The following NAALADL2 variants were observed in gnomAD, a reference collection of about 807,000 sequenced individuals.
NAALADL2 encodes the protein N-acetylated alpha-linked acidic dipeptidase like 2, also known as inactive N-acetylated-alpha-linked acidic dipeptidase-like protein 2.
NAALADL2 carries 76 observed loss-of-function variants against 87.2 expected under a neutral mutation model. The observed-to-expected ratio is 0.87, with a 90% CI of 0.72 to 1.05. The LOEUF (loss-of-function observed/expected upper bound fraction) is 1.05. NAALADL2 is among the 50% of genes least tolerant of loss of function. The pLI is 0.00. For synonymous variants in NAALADL2, 354 were observed against 331.0 expected, an observed-to-expected ratio of 1.07 and a Z score of -0.75; for missense variants, 1,089 against 945.8, an observed-to-expected ratio of 1.15 and a Z score of -1.99.
At chr3:174,953,166 A>T (rs966320127) in intron 1 of NAALADL2, among the ~76,000 whole-genome samples, 8 of 151,988 alleles carry the variant, frequency 5.3e-5, no homozygotes, top group Non-Finnish European at 1.2e-4. Context: ...AATAAGCATA[A>T]AAGGCAAGTT....
chr3:174,962,015 T>G (rs1357966776), intron 1 of NAALADL2, among the ~76,000 whole-genome samples: 1 of 151,954 alleles, frequency 6.6e-6, no homozygotes, highest in East Asian at 1.9e-4. Context: ...CAAAAGACCA[T>G]GAAGATTTTG....
chr3:175,565,915 C>T lies in NAALADL2; in HGVS notation c.1654-10126C>T, dbSNP rs183436255. ...TGCGTTATTGGCTCACCGCAACCTT[C>T]GCCTCCTGGGTTTAAGCGATTCTCC... is the stretch of plus-strand genomic sequence containing the variant. On this transcript the variant is annotated intron_variant, in intron 9 of 13. Transcript: ENST00000454872. Among the ~76,000 whole-genome samples the T allele has an allele frequency of 5.2e-3, 765 of 146,084 alleles. 7 individuals are homozygous for T. The highest frequency in any genetic ancestry group is 8.8e-3 in the Non-Finnish European group (593 of 67,106).
intron 5 of NAALADL2, among the ~76,000 whole-genome samples, chr3:175,343,899 T>A (rs1387673779): frequency 6.6e-6 from 1 of 151,956 alleles, no homozygotes; most frequent in African/African-American, 2.4e-5. Context: ...TATGTTTTTG[T>A]CTGTAAAGAG....
At chr3:174,475,215 G>A (rs2108318069) in intron 1 of NAALADL2, among the ~76,000 whole-genome samples, 1 of 151,916 alleles carries the variant, frequency 6.6e-6, no homozygotes, top group South Asian at 2.1e-4. Context: ...GAATTTCAAA[G>A]TCTAAAAGAA....
At chr3:174,924,888 A>G (rs1421091769) in intron 1 of NAALADL2, among the ~76,000 whole-genome samples, 2 of 152,114 alleles carry the variant, frequency 1.3e-5, no homozygotes, top group Non-Finnish European at 2.9e-5. Flanking sequence ...GTGTCTGTTC[A>G]TATCCTTTGC....
At chr3:175,014,583 C>T (rs112944911) in intron 1 of NAALADL2, among the ~76,000 whole-genome samples, 3,367 of 152,160 alleles carry the variant, frequency 0.022, 54 homozygotes, top group Non-Finnish European at 0.033. Context: ...GTGAATGACA[C>T]ATACCATTTT....
intron 5 of NAALADL2, among the ~76,000 whole-genome samples, chr3:175,446,858 C>T (rs1043925337): frequency 7.9e-5 from 12 of 152,182 alleles, no homozygotes; most frequent in Admixed American, 6.5e-4. Context: ...TCAGGTCTTA[C>T]ATCACTGACA....
At chr3:175,662,547 G>A (rs2149815207) in intron 11 of NAALADL2, among the ~76,000 whole-genome samples, 1 of 152,054 alleles carries the variant, frequency 6.6e-6, no homozygotes, top group African/African-American at 2.4e-5. Context: ...CGGTGAAAGT[G>A]AACATCCTTC....
chr3:175,726,310 A>C (rs1742918095), intron 11 of NAALADL2, among the ~76,000 whole-genome samples: 1 of 151,108 alleles, frequency 6.6e-6, no homozygotes, highest in South Asian at 2.1e-4. Context: ...GTGGCATGGG[A>C]ATAGAAAGTA....
chr3:175,616,958 A>G (rs1336400922), intron 10 of NAALADL2, among the ~76,000 whole-genome samples: 4 of 152,036 alleles, frequency 2.6e-5, no homozygotes, highest in South Asian at 2.1e-4. Flanking sequence ...GAGTTGCCCA[A>G]GCTTCTGGAT....
Position 174,446,553 on chromosome 3 carries a change from G to A in NAALADL2, c.-184+5521G>A, listed in dbSNP as rs149366262. On this transcript the variant is annotated intron_variant, in intron 1 of 3. Coordinates refer to the NAALADL2 transcript ENST00000434257. The stretch of plus-strand genomic sequence containing the variant: ...GTCACTTCAAATAATGCATCCCTAA[G>A]TGATCATGCTATCTCTTTAAATAGT... Among the ~76,000 whole-genome samples the A allele has an allele frequency of 9.9e-3, 1,510 of 152,180 alleles. 30 individuals are homozygous for A. Among genetic ancestry groups the A allele is most frequent in the African/African-American group, 0.035 (1,453 of 41,534 alleles).
chr3:175,318,371 CT>C (rs144709207), intron 4 of NAALADL2, among the ~76,000 whole-genome samples: 2,733 of 151,924 alleles, frequency 0.018, 51 homozygotes, highest in African/African-American at 0.048. Flanking sequence ...AATGATGGAA[CT>C]TTTTTTTCCT....
intron 1 of NAALADL2, among the ~76,000 whole-genome samples, chr3:174,863,544 G>T (rs557048251): frequency 1.1e-4 from 17 of 149,644 alleles, no homozygotes; most frequent in Non-Finnish European, 2.1e-4. Flanking sequence ...TCATTGTTTA[G>T]AAATGGCACT....
At chr3:175,339,188 C>A (rs1762337900) in intron 5 of NAALADL2, among the ~76,000 whole-genome samples, 1 of 152,162 alleles carries the variant, frequency 6.6e-6, no homozygotes, top group Non-Finnish European at 1.5e-5. Context: ...ACAGTCACAT[C>A]AAACATTGTC....
chr3:174,517,022 C>T (rs766554342), intron 1 of NAALADL2, among the ~76,000 whole-genome samples: 30 of 151,614 alleles, frequency 2.0e-4, no homozygotes, highest in Non-Finnish European at 3.1e-4. Flanking sequence ...GAATAAATTG[C>T]GAAAAGCTCC....
At chr3:175,087,738 C>T (rs2108293081) in intron 1 of NAALADL2, among the ~76,000 whole-genome samples, 1 of 152,106 alleles carries the variant, frequency 6.6e-6, no homozygotes, top group East Asian at 1.9e-4. Context: ...TCACCACTCC[C>T]TAATCTCAAG....
intron 2 of NAALADL2, among the ~76,000 whole-genome samples, chr3:174,610,709 C>G (rs1455808824): frequency 1.4e-5 from 2 of 145,858 alleles, no homozygotes; most frequent in Non-Finnish European, 3.0e-5. Context: ...CACTTTTACA[C>G]TGTTGTTGGG....
chr3:175,061,531 G>C (rs1486774193), intron 1 of NAALADL2, among the ~76,000 whole-genome samples: 1 of 152,014 alleles, frequency 6.6e-6, no homozygotes, highest in East Asian at 1.9e-4. Flanking sequence ...GATGGCAAAA[G>C]AAACCAAGTA....
intron 2 of NAALADL2, among the ~76,000 whole-genome samples, chr3:174,588,777 A>G (rs1018342382): frequency 7.9e-5 from 12 of 152,124 alleles, no homozygotes; most frequent in Non-Finnish European, 1.6e-4. Context: ...TGAAGTGTCA[A>G]TCGGCCCCTA....
Sources: gnomAD v4.1 joint callset for allele counts (sites outside exome capture counted in the v4.1 genomes callset) on GRCh38, gnomAD v4.1.1 for gene constraint, MANE v1.5 for transcripts, NCBI Gene and HGNC (gene_info 2026-07-23, HGNC 2026-07-21) for gene names.